ATR: variants seen among roughly 807,000 people sequenced by gnomAD.
The protein encoded by ATR is serine/threonine-protein kinase ATR.
ATR carries 142 observed loss-of-function variants against 305.3 expected under a neutral mutation model. That is an observed-to-expected ratio of 0.47 (90% CI 0.41 to 0.53). The LOEUF (loss-of-function observed/expected upper bound fraction) is 0.53, where lower values mean the gene tolerates loss of function less well. Among genes scored for constraint, ATR ranks in the 20% least tolerant of loss-of-function variants. The pLI is 0.00. For synonymous variants in ATR, 1,050 were observed against 1,068.1 expected (o/e 0.98, Z 0.33); for missense variants, 2,135 against 3,133.1 (o/e 0.68, Z 7.60).
At position 142,547,851 on chromosome 3, in the gene ATR, A is replaced by G. The variant is rs1377298169; in HGVS notation, c.3231T>C (p.Asn1077=). The G allele has an allele frequency of 1.9e-6, 3 of 1,614,008 alleles. No individual in the cohort carries two copies. The highest frequency in any genetic ancestry group is 2.5e-6 in the Non-Finnish European group (3 of 1,179,956). ...LLRQDFQGLH[N]ELLLRIGEHY... ...GTTCTCCAATACGCAGCAATAATTCATTATGCAATCCTTGGAAATCTTGTC... is the reference window on the plus strand; with the variant it reads ...GTTCTCCAATACGCAGCAATAATTCGTTATGCAATCCTTGGAAATCTTGTC... The change falls in exon 16 of 47, where the codon AAT becomes AAC. Residue 1077 remains asparagine (N), a synonymous_variant. Coordinates refer to ENST00000350721, the MANE Select transcript of ATR (RefSeq NM_001184.4).
chr3:142,451,087 C>T (rs2070779363), intron 46 of ATR: 10 of 1,279,218 alleles, frequency 7.8e-6, no homozygotes, highest in African/African-American at 1.5e-5. Flanking sequence ...GTTTGTCTAC[C>T]TGGTCAATTG....
chr3:142,491,122 C>T (rs2031250853), intron 35 of ATR, among the ~76,000 whole-genome samples: 2 of 151,968 alleles, frequency 1.3e-5, no homozygotes, highest in South Asian at 4.1e-4. Context: ...AAAAATTGTA[C>T]CAATTAGCAG....
At position 142,466,202 on chromosome 3, in the gene ATR, T is replaced by G. The variant is rs573052337; in HGVS notation, c.6897+122A>C. ...TGAGTTTAGTTTTACTCTTCTGTAT[T>G]TCCAATTATTTTTCTTCACAAATAA... On this transcript the variant is annotated intron_variant, in intron 40 of 46. Transcript: ENST00000350721. The G allele has an allele frequency of 8.6e-5, 100 of 1,158,940 alleles. 1 individual carries two copies. In the African/African-American group the frequency reaches 1.3e-3, roughly 15 times the overall value. The allele number at this position is 1,158,940 out of a possible 1,614,324, so 71.8% of individuals were successfully genotyped here.
intron 36 of ATR, among the ~76,000 whole-genome samples, chr3:142,480,283 G>A (rs945598610): frequency 1.3e-5 from 2 of 152,198 alleles, no homozygotes; most frequent in African/African-American, 4.8e-5. Context: ...TGCCCTTTCT[G>A]TTTGTTAGTT....
chr3:142,537,029 A>G (rs2033885523), intron 19 of ATR, among the ~76,000 whole-genome samples: 1 of 152,186 alleles, frequency 6.6e-6, no homozygotes, highest in Non-Finnish European at 1.5e-5. Flanking sequence ...CAATAAATAT[A>G]TATTAAATAA....
intron 38 of ATR, among the ~76,000 whole-genome samples, chr3:142,468,832 G>C (rs1285697385): frequency 6.6e-6 from 1 of 151,900 alleles, no homozygotes; most frequent in African/African-American, 2.4e-5. Flanking sequence ...TCTACAAAAA[G>C]AATTTAAAAA....
At chr3:142,526,719 T>C (rs1184046576) in intron 21 of ATR, among the ~76,000 whole-genome samples, 1 of 152,044 alleles carries the variant, frequency 6.6e-6, no homozygotes, top group African/African-American at 2.4e-5. Flanking sequence ...CATTCGTGGA[T>C]TGCTAAGTAT....
At chr3:142,479,962 A>G (rs937898868) in intron 36 of ATR, among the ~76,000 whole-genome samples, 1 of 152,094 alleles carries the variant, frequency 6.6e-6, no homozygotes, top group African/African-American at 2.4e-5. Flanking sequence ...ATTTCTCTGC[A>G]TTGGTTATTC....
rs1476581636 is a variant in ATR, at chr3:142,522,566, T to A, written c.4266+162A>T. On this transcript the variant is annotated intron_variant, in intron 23 of 46. Transcript: ENST00000350721. ...AAGTAACTATACCTATAATAATTGG[T>A]TAAGAGGTATGCTTCTGTACTCTAA... is the stretch of plus-strand genomic sequence containing the variant. 3.3e-5 allele frequency among the ~76,000 whole-genome samples: 5 copies of A among 152,160 alleles called. No individual in the cohort carries two copies. In the East Asian group the frequency reaches 9.6e-4, roughly 29 times the overall value.
At chr3:142,478,831 T>G (rs560961346) in intron 36 of ATR, among the ~76,000 whole-genome samples, 312 of 152,302 alleles carry the variant, frequency 2.0e-3, no homozygotes, top group Non-Finnish European at 2.4e-3. Flanking sequence ...TTGATCCCTT[T>G]ACCATTATGT....
chr3:142,536,613 T>G (rs950881606), intron 19 of ATR, among the ~76,000 whole-genome samples: 125 of 152,188 alleles, frequency 8.2e-4, no homozygotes, highest in African/African-American at 2.8e-3. Flanking sequence ...TAAGAAGTGT[T>G]GCCACCAACA....
chr3:142,535,427 T>C (rs1342865462), intron 20 of ATR, among the ~76,000 whole-genome samples: 2 of 152,000 alleles, frequency 1.3e-5, no homozygotes, highest in Non-Finnish European at 2.9e-5. Context: ...AAAAATTTTA[T>C]CCCAACTAAG....
chr3:142,499,750 T>A, intron 30 of ATR, 32 bp from the exon 31 acceptor site: 2 of 1,575,212 alleles, frequency 1.3e-6, no homozygotes, highest in South Asian at 1.1e-5. Flanking sequence ...AACTAAACTT[T>A]AATTTATTTA....
intron 15 of ATR, 21 bp downstream of exon 15, chr3:142,549,458 T>C: frequency 6.8e-7 from 1 of 1,463,654 alleles, no homozygotes; most frequent in Non-Finnish European, 9.1e-7. Flanking sequence ...AAAAGTAAAA[T>C]ATATAGAAAT....
intron 34 of ATR, among the ~76,000 whole-genome samples, chr3:142,495,835 T>C (rs2031558107): frequency 6.6e-6 from 1 of 152,098 alleles, no homozygotes; most frequent in African/African-American, 2.4e-5. Flanking sequence ...AACCCCCTTC[T>C]TATTACTTTG....
intron 16 of ATR, among the ~76,000 whole-genome samples, chr3:142,543,444 TCCTCCCTCCTTTCCTC>T (rs961435960): frequency 6.1e-5 from 9 of 146,924 alleles, no homozygotes; most frequent in African/African-American, 1.8e-4. Context: ...CGTCCTTTCT[TCCTCCCTCCTTTCCTC>T]CCTCCCTCCT....
rs769648140 is a variant in ATR at position 142,553,920 on chromosome 3, T to C, written c.2437A>G (p.Met813Val). The stretch of plus-strand genomic sequence containing the variant: ...CTAACATCTTTGTCTGGATCTTCCA[T>C]TAAATTTAATAAAGTTCCAAGAACT... ...KAVLGTLLNL[M>V]EDPDKDVRVA... Residue 813 changes from methionine (M) to valine (V), a missense_variant, in exon 11 of 47, where the codon ATG becomes GTG. Transcript: ENST00000350721. 106 of 1,612,536 alleles carry C rather than the reference T, an allele frequency of 6.6e-5. No individual in the cohort carries two copies. Among genetic ancestry groups the C allele is most frequent in the Admixed American group, 1.0e-4 (6 of 59,932 alleles).
chr3:142,513,066 C>G (rs1167108222), intron 26 of ATR, among the ~76,000 whole-genome samples: 1 of 151,586 alleles, frequency 6.6e-6, no homozygotes, highest in Non-Finnish European at 1.5e-5. Flanking sequence ...ACACTATATG[C>G]AAAATTAAGT....
chr3:142,531,317 C>T (rs975179679), intron 21 of ATR, among the ~76,000 whole-genome samples: 1 of 151,830 alleles, frequency 6.6e-6, no homozygotes, highest in Non-Finnish European at 1.5e-5. Flanking sequence ...AGGTTTGTTA[C>T]ATATGTATAC....
Sources: allele counts gnomAD v4.1 joint callset (sites outside exome capture counted in the v4.1 genomes callset), GRCh38; gene constraint gnomAD v4.1.1; transcripts MANE v1.5; gene names NCBI Gene and HGNC (gene_info 2026-07-23, HGNC 2026-07-21).